The following PARP10 variants were observed in gnomAD, a reference collection of about 807,000 sequenced individuals.
PARP10 encodes protein mono-ADP-ribosyltransferase PARP10.
In PARP10, 56 loss-of-function variants were observed where a neutral mutation model predicts 82.4. That is an observed-to-expected ratio of 0.68 (90% CI 0.55 to 0.85). The LOEUF is 0.85. PARP10 is among the 40% of genes least tolerant of loss of function. PARP10 has a pLI of 0.00. For missense variants in PARP10, 1,227 were observed against 1,379.4 expected (o/e 0.89, Z 1.75); for synonymous variants, 576 against 601.1 (o/e 0.96, Z 0.61).
upstream of PARP10, chr8:143,991,005 C>G (rs550714127): frequency 2.5e-6 from 1 of 402,498 alleles, no homozygotes; most frequent in South Asian, 4.8e-5. Flanking sequence ...CTGGGAAGGC[C>G]CCACGGCGCC....
Position 143,984,385 on chromosome 8 carries a change from C to G in PARP10, c.1505G>C (p.Arg502Pro). 1 of 1,612,632 alleles carries G rather than the reference C, an allele frequency of 6.2e-7. No homozygotes were observed. The highest frequency in any genetic ancestry group is 8.5e-7 in the Non-Finnish European group (1 of 1,179,670). Residue 502 changes from arginine to proline, a missense_variant, in exon 6 of 11, where the codon CGG becomes CCG. Arg to Pro is a moderately radical substitution (Grantham distance 103). Coordinates refer to ENST00000313028, the MANE Select transcript of PARP10 (RefSeq NM_032789.5). ...GCAGCTAATGCTGCCCAGCAGGCTC[C>G]GCAGAAACTCCTCAGCCGCCTGGCA... The part of the protein sequence containing the change: ...ASCQAAEEFL[R>P]SLLGSISCHV...
chr8:143,977,461 A>C lies in PARP10; in HGVS notation c.*23T>G. 6.6e-7 allele frequency: 1 copy of C among 1,509,558 alleles called. No individual in the cohort carries two copies. The highest frequency in any genetic ancestry group is 8.9e-7 in the Non-Finnish European group (1 of 1,122,986). The allele number at this position is 1,509,558 out of a possible 1,614,324, so 93.5% of individuals were successfully genotyped here. A position where few individuals can be genotyped will look rare whatever the true frequency, so the allele number is the denominator to read the frequency against. On this transcript the variant is annotated 3_prime_UTR_variant, in exon 11 of 11. Transcript: ENST00000313028. ...CGGAGCTGGGAGCCTGGGAAGCAGG[A>C]GGCCAGAGGGTGGCCCCTTCGGTTA...
upstream of PARP10, among the ~76,000 whole-genome samples, chr8:143,994,012 C>T (rs535523830): frequency 6.6e-6 from 1 of 152,362 alleles, no homozygotes; most frequent in South Asian, 2.1e-4. Context: ...ACGCCTGCTG[C>T]TCCTGCAGGG....
upstream of PARP10, chr8:143,993,524 A>G (rs1564258985): frequency 6.5e-6 from 1 of 154,614 alleles, no homozygotes; most frequent in Non-Finnish European, 1.4e-5. Flanking sequence ...GTGGAGATTA[A>G]TACAGTGCCA....
At chr8:143,996,397 C>T (rs560782310) in intron 1 of PARP10, among the ~76,000 whole-genome samples, 7 of 152,328 alleles carry the variant, frequency 4.6e-5, no homozygotes, top group African/African-American at 1.7e-4. Flanking sequence ...TGTCAATCAA[C>T]GGTGCCTGCT....
upstream of PARP10, among the ~76,000 whole-genome samples, chr8:143,995,909 G>A (rs527373813): frequency 1.3e-4 from 20 of 152,340 alleles, no homozygotes; most frequent in African/African-American, 4.8e-4. Flanking sequence ...AGTGGCTGCT[G>A]CCTCTTCACA....
intron 1 of PARP10, among the ~76,000 whole-genome samples, chr8:144,004,485 C>A (rs782660224): frequency 6.6e-6 from 1 of 152,168 alleles, no homozygotes; most frequent in Non-Finnish European, 1.5e-5. Flanking sequence ...ATTGTCCCCA[C>A]GCCACAAGTG....
upstream of PARP10, among the ~76,000 whole-genome samples, chr8:143,989,155 G>A (rs973494527): frequency 6.6e-6 from 1 of 152,242 alleles, no homozygotes; most frequent in Non-Finnish European, 1.5e-5. The surrounding 1 kb of genome is among the most constrained non-coding windows in gnomAD (Gnocchi z 4.3). Context: ...GGGAGAGGCC[G>A]GCCCTCCAAG....
intron 1 of PARP10, among the ~76,000 whole-genome samples, chr8:144,007,889 C>T (rs1471415964): frequency 1.2e-4 from 19 of 152,226 alleles, no homozygotes; most frequent in Admixed American, 1.2e-3. Flanking sequence ...GGGGTACTAC[C>T]TGCCTCGGGG....
rs148580746 is a variant in PARP10 at position 143,983,253 on chromosome 8, G to T, written c.2336C>A (p.Ala779Asp). ...TGCCACCAAGTGGCGGGCAGCACGG[G>T]CAGGGTGGGCCCCGAAGCCACGGAG... ...TILRGFGAHP[A>D]RAARHLVALL... is the part of the protein sequence containing the mutation. Residue 779 changes from alanine to aspartate, a missense_variant, in exon 8 of 11, where the codon GCC (alanine) becomes GAC (aspartate). Transcript: ENST00000313028. The T allele has an allele frequency of 6.2e-7, 1 of 1,613,142 alleles. No individual in the cohort carries two copies. Among genetic ancestry groups the T allele is most frequent in the South Asian group, 1.1e-5 (1 of 91,058 alleles).
At chr8:143,986,956 C>T (rs1587462102), upstream of PARP10, 1 of 159,134 alleles carries the variant, frequency 6.3e-6, no homozygotes, top group Non-Finnish European at 1.4e-5. Context: ...CCCTTGGTCT[C>T]CAAGAATGTG....
chr8:143,979,529 G>A (rs1382666266), intron 9 of PARP10, among the ~76,000 whole-genome samples: 2 of 152,236 alleles, frequency 1.3e-5, no homozygotes, highest in African/African-American at 4.8e-5. Context: ...GGACAAATAA[G>A]GGCATATTAG....
rs879957113 is a variant in PARP10 at position 144,011,751 on chromosome 8, G to A, written c.-80+779C>T. Among the ~76,000 whole-genome samples, 1 of 152,090 alleles carries A rather than the reference G, an allele frequency of 6.6e-6. No individual in the cohort carries two copies. Among genetic ancestry groups the A allele is most frequent in the Admixed American group, 6.5e-5 (1 of 15,280 alleles). ...AGCTGGGGAATAGAGATCCAAGTGCGGAGAAGGCAACGACGGGAGATTTGG... is the reference window on the plus strand; with the variant it reads ...AGCTGGGGAATAGAGATCCAAGTGCAGAGAAGGCAACGACGGGAGATTTGG... On this transcript the variant is annotated intron_variant, in intron 1 of 3. Coordinates refer to the PARP10 transcript ENST00000530478. This position sits in a 1 kb window ranked among gnomAD's most constrained non-coding sequence, Gnocchi z 4.5.
At chr8:143,986,272 T>C (rs782807296) in intron 1 of PARP10, 39 bp from the exon 2 acceptor site, 27 of 1,613,258 alleles carry the variant, frequency 1.7e-5, no homozygotes, top group Non-Finnish European at 2.0e-5. Flanking sequence ...AACAGCCCAT[T>C]CCACCCCTCC....
At chr8:143,999,739 G>A (rs1365779287) in intron 1 of PARP10, among the ~76,000 whole-genome samples, 8 of 151,554 alleles carry the variant, frequency 5.3e-5, no homozygotes, top group Non-Finnish European at 8.8e-5. Flanking sequence ...GCACTGGCTC[G>A]AATTGAGCTT....
At chr8:143,981,085 T>C (rs1359321111) in intron 9 of PARP10, among the ~76,000 whole-genome samples, 1 of 151,476 alleles carries the variant, frequency 6.6e-6, no homozygotes, top group Non-Finnish European at 1.5e-5. Flanking sequence ...TTTAAAGTCA[T>C]CAAGGTGCTC....
At chr8:144,012,164 A>G (rs1834291556) in intron 1 of PARP10, among the ~76,000 whole-genome samples, 1 of 152,246 alleles carries the variant, frequency 6.6e-6, no homozygotes, top group African/African-American at 2.4e-5. Flanking sequence ...GCTATGACAC[A>G]GGACACATCT....
chr8:143,994,896 G>A (rs1554751156), upstream of PARP10, among the ~76,000 whole-genome samples: 2 of 152,174 alleles, frequency 1.3e-5, no homozygotes. Flanking sequence ...GACCCCTCAG[G>A]ATTTTATACG....
intron 1 of PARP10, chr8:144,012,300 G>T: frequency 3.5e-6 from 2 of 576,880 alleles, no homozygotes; most frequent in South Asian, 2.1e-5. Flanking sequence ...CCGAGGCAAG[G>T]CCTGTGTACA....
Sources: gnomAD v4.1 joint callset for allele counts (sites outside exome capture counted in the v4.1 genomes callset) on GRCh38, gnomAD v4.1.1 for gene constraint, Gnocchi (gnomAD v3.1) non-coding constraint, MANE v1.5 for transcripts, NCBI Gene and HGNC (gene_info 2026-07-23, HGNC 2026-07-21) for gene names.